The following MBD5 variants were observed in gnomAD, a reference collection of about 807,000 sequenced individuals.
MBD5 encodes the protein methyl-CpG-binding domain protein 5.
MBD5 carries 13 observed loss-of-function variants against 117.3 expected under a neutral mutation model. The ratio of observed to expected loss-of-function variants is 0.11; its 90% CI spans 0.07 to 0.18. The LOEUF (loss-of-function observed/expected upper bound fraction) is 0.18, where lower values mean the gene tolerates loss of function less well. Ranked by LOEUF, MBD5 falls within the 10% of genes least tolerant of loss-of-function variation. The pLI is 1.00. For missense variants in MBD5, 1,879 were observed against 2,093.8 expected (o/e 0.90, Z 2.00); for synonymous variants, 727 against 766.4 (o/e 0.95, Z 0.85).
chr2:148,319,868 A>C (rs1442971953), intron 3 of MBD5, among the ~76,000 whole-genome samples: 1 of 152,198 alleles, frequency 6.6e-6, no homozygotes, highest in East Asian at 1.9e-4. Flanking sequence ...TTTCCCCACC[A>C]AGTATGATGT....
At chr2:148,069,635 C>T (rs1233413400) in intron 1 of MBD5, among the ~76,000 whole-genome samples, 1 of 151,864 alleles carries the variant, frequency 6.6e-6, no homozygotes, top group East Asian at 1.9e-4. Flanking sequence ...CGCTGTTAAA[C>T]CACTTTTCCC....
In MBD5 at chr2:148,458,825, G is replaced by T; in HGVS notation, c.67G>T (p.Val23Leu). 1 of 1,613,740 alleles carries T rather than the reference G, an allele frequency of 6.2e-7. No individual in the cohort carries two copies. Among genetic ancestry groups the T allele is most frequent in the Non-Finnish European group, 8.5e-7 (1 of 1,179,736 alleles). Residue 23 changes from valine (V) to leucine (L), a missense_variant, in exon 5 of 14, where the codon GTG becomes TTG. Physicochemically the swap from Val to Leu is conservative, Grantham distance 32. Coordinates refer to ENST00000642680, the MANE Select transcript of MBD5 (RefSeq NM_001378120.1). ...EGGLPAIQVPVGWQRRVDQNG... is the reference protein window; with the variant it reads ...EGGLPAIQVPLGWQRRVDQNG... ...AGGTCTTCCAGCTATACAAGTTCCT[G>T]TGGGTTGGCAGCGTCGTGTGGATCA...
chr2:148,389,249 A>AATAT (rs1704480587), intron 4 of MBD5, among the ~76,000 whole-genome samples: 1 of 32,322 alleles, frequency 3.1e-5, no homozygotes, highest in African/African-American at 1.2e-4. Flanking sequence ...AGGAAAAAAA[A>AATAT]ACATATATAT....
chr2:148,083,261 G>T (rs1695693651), intron 1 of MBD5, among the ~76,000 whole-genome samples: 1 of 152,158 alleles, frequency 6.6e-6, no homozygotes, highest in Admixed American at 6.5e-5. Flanking sequence ...CAACTTTATA[G>T]ATGGTTAATT....
At chr2:148,428,904 C>T (rs1244304779) in intron 4 of MBD5, among the ~76,000 whole-genome samples, 1 of 152,082 alleles carries the variant, frequency 6.6e-6, no homozygotes, top group Non-Finnish European at 1.5e-5. Flanking sequence ...AGAAGAAAAC[C>T]TGGGCACTAC....
At chr2:148,165,282 T>C (rs1698100788) in intron 1 of MBD5, among the ~76,000 whole-genome samples, 1 of 152,136 alleles carries the variant, frequency 6.6e-6, no homozygotes, top group African/African-American at 2.4e-5. Context: ...TTCATTTAGA[T>C]TGTAATATTA....
intron 1 of MBD5, among the ~76,000 whole-genome samples, chr2:148,085,300 C>T (rs1695748927): frequency 6.6e-6 from 1 of 152,140 alleles, no homozygotes; most frequent in Non-Finnish European, 1.5e-5. Flanking sequence ...TAATTTAAAC[C>T]TCCTATTTTG....
intron 8 of MBD5, among the ~76,000 whole-genome samples, chr2:148,474,344 A>G (rs530557251): frequency 7.9e-5 from 12 of 152,242 alleles, no homozygotes; most frequent in Admixed American, 4.6e-4. Flanking sequence ...TATCCACACA[A>G]TGACCCATCC....
At chr2:148,258,280 C>T (rs909137250) in intron 3 of MBD5, among the ~76,000 whole-genome samples, 2 of 152,154 alleles carry the variant, frequency 1.3e-5, no homozygotes, top group African/African-American at 4.8e-5. Context: ...GAAACACACA[C>T]AGTATATAAA....
chr2:148,183,362 G>T (rs1698574053), intron 2 of MBD5, among the ~76,000 whole-genome samples: 1 of 152,108 alleles, frequency 6.6e-6, no homozygotes, highest in South Asian at 2.1e-4. Flanking sequence ...AAGGAGTAAA[G>T]ATCATAAGCA....
At chr2:148,482,576 A>T (rs1681192872) in intron 8 of MBD5, among the ~76,000 whole-genome samples, 1 of 152,184 alleles carries the variant, frequency 6.6e-6, no homozygotes, top group Non-Finnish European at 1.5e-5. Flanking sequence ...TAAAATGTTA[A>T]TAGTTAATCT....
intron 4 of MBD5, among the ~76,000 whole-genome samples, chr2:148,362,495 T>A (rs553000181): frequency 1.3e-5 from 2 of 152,222 alleles, no homozygotes; most frequent in Non-Finnish European, 2.9e-5. Context: ...GTCAGGGACA[T>A]ATACATAAAA....
chr2:148,442,025 G>A (rs1460888923), intron 4 of MBD5, among the ~76,000 whole-genome samples: 1 of 151,988 alleles, frequency 6.6e-6, no homozygotes, highest in Admixed American at 6.6e-5. Context: ...CAGATGAGTA[G>A]ATTGCAAAAA....
intron 8 of MBD5, among the ~76,000 whole-genome samples, chr2:148,481,958 T>C (rs1681168528): frequency 6.6e-6 from 1 of 152,204 alleles, no homozygotes; most frequent in African/African-American, 2.4e-5. Context: ...AAGAATGCTA[T>C]GTAAGACTGG....
At chr2:148,439,030 C>T (rs79710269) in intron 4 of MBD5, among the ~76,000 whole-genome samples, 1,842 of 152,246 alleles carry the variant, frequency 0.012, 32 homozygotes, top group African/African-American at 0.041. Flanking sequence ...ATCAACCTGG[C>T]ACCCAAACAC....
chr2:148,115,580 T>G (rs1696616608), intron 1 of MBD5, among the ~76,000 whole-genome samples: 1 of 152,182 alleles, frequency 6.6e-6, no homozygotes, highest in African/African-American at 2.4e-5. Context: ...TTTCTTTCAT[T>G]TTTCTTTTGG....
intron 3 of MBD5, among the ~76,000 whole-genome samples, chr2:148,265,291 T>A (rs1249977009): frequency 6.6e-6 from 1 of 152,160 alleles, no homozygotes; most frequent in Non-Finnish European, 1.5e-5. Flanking sequence ...AACAGCAACA[T>A]TTTTGTGTAT....
At chr2:148,236,380 C>T (rs779823550) in intron 3 of MBD5, among the ~76,000 whole-genome samples, 2 of 152,010 alleles carry the variant, frequency 1.3e-5, no homozygotes, top group Non-Finnish European at 2.9e-5. Flanking sequence ...ACTTGAAAGT[C>T]GATGGACTTT....
At chr2:148,078,459 C>A (rs1364405527) in intron 1 of MBD5, among the ~76,000 whole-genome samples, 1 of 152,186 alleles carries the variant, frequency 6.6e-6, no homozygotes, top group Non-Finnish European at 1.5e-5. Context: ...CCAGTGCTTA[C>A]TATGGATTAC....
Sources: gnomAD v4.1 joint callset for allele counts (sites outside exome capture counted in the v4.1 genomes callset) on GRCh38, gnomAD v4.1.1 for gene constraint, MANE v1.5 for transcripts, NCBI Gene and HGNC (gene_info 2026-07-23, HGNC 2026-07-21) for gene names.